CLMN: variants seen among roughly 807,000 people sequenced by gnomAD.
CLMN encodes the protein calmin (calponin-like, transmembrane).
A neutral mutation model predicts 92.7 loss-of-function variants in CLMN; 57 were observed. The observed-to-expected ratio is 0.61, with a 90% CI of 0.50 to 0.77. The LOEUF is 0.77. Ranked by LOEUF, CLMN falls within the 30% of genes least tolerant of loss-of-function variation. The pLI, the probability that CLMN is intolerant of heterozygous loss-of-function variation, is 0.00. For missense variants in CLMN, 1,158 were observed against 1,237.5 expected, an observed-to-expected ratio of 0.94 and a Z score of 0.96; for synonymous variants, 466 against 470.6, an observed-to-expected ratio of 0.99 and a Z score of 0.13.
chr14:95,265,711 G>A (rs1471076325), intron 1 of CLMN, among the ~76,000 whole-genome samples: 1 of 152,208 alleles, frequency 6.6e-6, no homozygotes, highest in Non-Finnish European at 1.5e-5. Flanking sequence ...AGGATCAGAA[G>A]AAACAAGGCA....
chr14:95,208,944 C>G (rs905343128), intron 8 of CLMN, among the ~76,000 whole-genome samples: 2 of 152,176 alleles, frequency 1.3e-5, no homozygotes, highest in Admixed American at 1.3e-4. Flanking sequence ...GATCAGAGAT[C>G]AGCCACCACG....
At chr14:95,192,281 T>A (rs921289531) in intron 12 of CLMN, 1 of 152,250 alleles carries the variant, frequency 6.6e-6, no homozygotes, top group African/African-American at 2.4e-5. Context: ...CACAGTTTTG[T>A]TTTGGCTTTG....
intron 1 of CLMN, among the ~76,000 whole-genome samples, chr14:95,242,590 G>C: frequency 8.9e-6 from 1 of 111,968 alleles, no homozygotes; most frequent in Non-Finnish European, 1.7e-5. Flanking sequence ...TTTTGAGACG[G>C]AGTCTCGCTC....
chr14:95,198,004 T>G (rs1347805373), intron 9 of CLMN, among the ~76,000 whole-genome samples: 1 of 152,046 alleles, frequency 6.6e-6, no homozygotes, highest in East Asian at 1.9e-4. Flanking sequence ...CTTGCCATTT[T>G]CTAGTCCCTT....
At chr14:95,252,220 C>T (rs1229900819) in intron 1 of CLMN, among the ~76,000 whole-genome samples, 1 of 152,206 alleles carries the variant, frequency 6.6e-6, no homozygotes, top group East Asian at 1.9e-4. Context: ...GGGTCAAGTG[C>T]AGGCCCTCAG....
intron 1 of CLMN, among the ~76,000 whole-genome samples, chr14:95,276,108 G>A (rs1436671699): frequency 6.6e-6 from 1 of 152,218 alleles, no homozygotes; most frequent in Non-Finnish European, 1.5e-5. Context: ...AACCACGAAG[G>A]GGTGATATTG....
At chr14:95,241,827 G>A (rs6575505) in intron 1 of CLMN, among the ~76,000 whole-genome samples, 20,717 of 152,002 alleles carry the variant, frequency 0.14, 2,442 homozygotes, top group African/African-American at 0.31. Context: ...ACTCATGCAC[G>A]CCTGTGTGTG....
intron 5 of CLMN, among the ~76,000 whole-genome samples, chr14:95,213,687 CCAG>C (rs1490031662): frequency 6.6e-6 from 1 of 152,118 alleles, no homozygotes; most frequent in African/African-American, 2.4e-5. Flanking sequence ...GCACTTCACA[CCAG>C]GTCTTCCTGA....
intron 9 of CLMN, among the ~76,000 whole-genome samples, chr14:95,201,203 C>A (rs1021162185): frequency 1.3e-5 from 2 of 151,016 alleles, no homozygotes; most frequent in African/African-American, 4.9e-5. Flanking sequence ...TGTTTTTCAA[C>A]TTTTATTTTA....
Position 95,190,773 on chromosome 14 carries a change from GC to G in CLMN, c.*790del, listed in dbSNP as rs1379559326. The G allele has an allele frequency of 6.6e-6, 1 of 152,244 alleles. No homozygotes were observed. The highest frequency in any genetic ancestry group is 2.4e-5 in the African/African-American group (1 of 41,460). 9.4% of individuals were successfully genotyped at this position (152,244 alleles called of 1,614,324 possible). A position where few individuals can be genotyped will look rare whatever the true frequency, so the allele number is the denominator to read the frequency against. Reference sequence around the variant, plus strand: ...ACTGCTGGGAGCTGATTCCAGCCCAGCCACTCCTCATGGCTTTTATATGGCC... The same window carrying G: ...ACTGCTGGGAGCTGATTCCAGCCCAGCACTCCTCATGGCTTTTATATGGCC... On this transcript the variant is annotated 3_prime_UTR_variant, in exon 13 of 13. Transcript: ENST00000298912.
chr14:95,197,851 G>A (rs535081310), intron 9 of CLMN, among the ~76,000 whole-genome samples: 148 of 152,198 alleles, frequency 9.7e-4, no homozygotes, highest in African/African-American at 3.2e-3. Flanking sequence ...GGAGAACAAA[G>A]CTCCATGCAG....
chr14:95,232,334 A>C (rs549557581), intron 1 of CLMN, among the ~76,000 whole-genome samples: 1 of 152,258 alleles, frequency 6.6e-6, no homozygotes, highest in Non-Finnish European at 1.5e-5. Flanking sequence ...CATATGCCTA[A>C]AACGATTCCA....
chr14:95,236,552 C>T (rs1429867481), intron 1 of CLMN, among the ~76,000 whole-genome samples: 1 of 151,900 alleles, frequency 6.6e-6, no homozygotes, highest in East Asian at 1.9e-4. Flanking sequence ...GGCACTGCTC[C>T]ACATCCTGCC....
At chr14:95,288,845 C>T (rs138907191) in intron 1 of CLMN, among the ~76,000 whole-genome samples, 50 of 152,292 alleles carry the variant, frequency 3.3e-4, no homozygotes, top group African/African-American at 1.2e-3. Context: ...ATGGTACAGT[C>T]GCACAAAGGA....
chr14:95,251,902 C>G (rs796090111), intron 1 of CLMN, among the ~76,000 whole-genome samples: 16 of 152,250 alleles, frequency 1.1e-4, no homozygotes, highest in Admixed American at 5.9e-4. Flanking sequence ...TCCAAGGACC[C>G]GAGCCAGGCC....
At chr14:95,314,237 T>C (rs1415505478) in intron 1 of CLMN, among the ~76,000 whole-genome samples, 5 of 152,184 alleles carry the variant, frequency 3.3e-5, no homozygotes, top group Non-Finnish European at 1.5e-5. Flanking sequence ...ACCTTCAACT[T>C]GACAGCCAAG....
At chr14:95,253,779 A>AT (rs535986869) in intron 1 of CLMN, among the ~76,000 whole-genome samples, 175 of 151,458 alleles carry the variant, frequency 1.2e-3, no homozygotes, top group African/African-American at 3.9e-3. Context: ...CTCCTGGCTA[A>AT]TTTTTTTTGT....
rs550768610 is a variant in CLMN, at chr14:95,202,567, G to T, written c.2511+271C>A. 2.0e-5 allele frequency among the ~76,000 whole-genome samples: 3 copies of T among 152,268 alleles called. No homozygotes were observed. In the South Asian group the frequency reaches 6.2e-4, roughly 32 times the overall value. ...TGGACCCTCAAAGGTGACCTCACTT[G>T]ATCCTCAGAGCATACCTGTGAGTAG... is the stretch of plus-strand genomic sequence containing the variant. On this transcript the variant is annotated intron_variant, in intron 9 of 12. Transcript: ENST00000298912.
At chr14:95,215,295 AG>A (rs1384493129) in intron 5 of CLMN, among the ~76,000 whole-genome samples, 1 of 152,160 alleles carries the variant, frequency 6.6e-6, no homozygotes, top group Admixed American at 6.5e-5. Context: ...AGGAACACTG[AG>A]TGATTTCAGG....
Sources: allele counts gnomAD v4.1 joint callset (sites outside exome capture counted in the v4.1 genomes callset), GRCh38; gene constraint gnomAD v4.1.1; transcripts MANE v1.5; gene names NCBI Gene and HGNC (gene_info 2026-07-23, HGNC 2026-07-21).